The following SPHK1 variants were observed in gnomAD, a reference collection of about 807,000 sequenced individuals.
The protein encoded by SPHK1 is SK 1.
In SPHK1, 10 loss-of-function variants were observed where a neutral mutation model predicts 14.6. The ratio of observed to expected loss-of-function variants is 0.68; its 90% CI spans 0.42 to 1.16. The LOEUF is 1.16. Among genes scored for constraint, SPHK1 ranks in the 50% most tolerant of loss-of-function variants. The probability of loss-of-function intolerance (pLI) is 0.00; values close to 1 mark genes in which losing one functional copy is unlikely to be tolerated. For missense variants in SPHK1, 553 were observed against 525.4 expected, an observed-to-expected ratio of 1.05 and a Z score of -0.51; for synonymous variants, 274 against 224.0, an observed-to-expected ratio of 1.22 and a Z score of -1.99.
chr17:76,384,950 C>T (rs986344199), intron 1 of SPHK1, 144 bp downstream of exon 1: 2 of 829,426 alleles, frequency 2.4e-6, no homozygotes, highest in Non-Finnish European at 3.5e-6. Context: ...TTGGCGCGAC[C>T]CGGGAGCGGC....
At position 76,387,504 on chromosome 17, in the gene SPHK1, ACTT is replaced by A. The variant is rs1230256238; in HGVS notation, c.1076_1078del (p.Phe359del). The A allele has an allele frequency of 3.7e-6, 6 of 1,612,604 alleles. No individual in the cohort carries two copies. The highest frequency in any genetic ancestry group is 5.1e-6 in the Non-Finnish European group (6 of 1,179,850). On this transcript the variant is annotated inframe_deletion, in exon 6 of 6. Transcript: ENST00000592299. The surrounding 1 kb of genome is among the most constrained non-coding windows in gnomAD (Gnocchi z 4.1). ...GTGCAGGGCCAGGTGCACCCAAACT[ACTT>A]CTGGATGGTCAGCGGTTGCGTGGAG...
At chr17:76,383,831 G>A (rs1249570757), upstream of SPHK1, 1 of 1,286,998 alleles carries the variant, frequency 7.8e-7, no homozygotes, top group East Asian at 5.7e-5. Context: ...GCCAGAGGGG[G>A]CGGGGGGCAC....
In SPHK1 at chr17:76,385,216, C is replaced by T. The variant is rs1163654511; in HGVS notation, c.-194-235C>T. 3 of 1,555,356 alleles carry T rather than the reference C, an allele frequency of 1.9e-6. No individual in the cohort carries two copies. Among genetic ancestry groups the T allele is most frequent in the Non-Finnish European group, 2.6e-6 (3 of 1,150,626 alleles). The stretch of plus-strand genomic sequence containing the variant: ...GGGAGCCACGGGGCTCTGACTCATC[C>T]GTCGGGCCGGAACCGAACCCCAAGC... On this transcript the variant is annotated intron_variant, in intron 1 of 5. Coordinates refer to ENST00000592299, the MANE Select transcript of SPHK1 (RefSeq NM_001142601.2). This position sits in a 1 kb window ranked among gnomAD's most constrained non-coding sequence, Gnocchi z 5.3.
Position 76,386,064 on chromosome 17 carries a change from C to A in SPHK1, c.90C>A (p.Ala30=). 6.2e-7 allele frequency: 1 copy of A among 1,607,978 alleles called. No individual in the cohort carries two copies. Among genetic ancestry groups the A allele is most frequent in the Non-Finnish European group, 8.5e-7 (1 of 1,177,154 alleles). ...LLNPRGGKGK[A]LQLFRSHVQP... ...ACCCGCGCGGCGGCAAGGGCAAGGCCTTGCAGCTCTTCCGGAGTCACGTGC... is the reference window on the plus strand; with the variant it reads ...ACCCGCGCGGCGGCAAGGGCAAGGCATTGCAGCTCTTCCGGAGTCACGTGC... The change falls in exon 3 of 6, where the codon GCC becomes GCA. Residue 30 remains alanine, a synonymous_variant. Coordinates refer to ENST00000592299, the MANE Select transcript of SPHK1 (RefSeq NM_001142601.2). This position sits in a 1 kb window ranked among gnomAD's most constrained non-coding sequence, Gnocchi z 5.3.
rs1162260478 is a variant in SPHK1, at chr17:76,387,551, C to A, written c.1120C>A (p.Pro374Thr). Reference sequence around the variant, plus strand: ...CGTGGAGCCCCCGCCCAGCTGGAAGCCCCAGCAGATGCCACCGCCAGAAGA... The same window carrying A: ...CGTGGAGCCCCCGCCCAGCTGGAAGACCCAGCAGATGCCACCGCCAGAAGA... ...GCVEPPPSWK[P>T]QQMPPPEEPL Residue 374 changes from proline (P) to threonine (T), a missense_variant, in exon 6 of 6, where the codon CCC (proline) becomes ACC (threonine). By Grantham distance (38) the Pro-to-Thr change is conservative. Transcript: ENST00000592299. This position sits in a 1 kb window ranked among gnomAD's most constrained non-coding sequence, Gnocchi z 4.1. 1.2e-6 allele frequency: 2 copies of A among 1,604,346 alleles called. No homozygotes were observed. The highest frequency in any genetic ancestry group is 1.1e-5 in the South Asian group (1 of 90,516).
chr17:76,385,394 C>T lies in SPHK1; in HGVS notation c.-194-57C>T. The T allele has an allele frequency of 6.8e-7, 1 of 1,467,242 alleles. No homozygotes were observed. The highest frequency in any genetic ancestry group is 9.0e-7 in the Non-Finnish European group (1 of 1,112,500). 90.9% of individuals were successfully genotyped at this position (1,467,242 alleles called of 1,614,324 possible). A position where few individuals can be genotyped will look rare whatever the true frequency, so the allele number is the denominator to read the frequency against. ...TGGTCCCGGGATTTAGTCGGGCGCT[C>T]CCCACCTCTGGCAGCTGCGGCCCCG... On this transcript the variant is annotated intron_variant, in intron 1 of 5. Transcript: ENST00000592299. This position sits in a 1 kb window ranked among gnomAD's most constrained non-coding sequence, Gnocchi z 5.3.
chr17:76,387,771 TG>T lies in SPHK1; in HGVS notation c.*188del, dbSNP rs2072022234. On this transcript the variant is annotated 3_prime_UTR_variant, in exon 6 of 6. Coordinates refer to ENST00000592299, the MANE Select transcript of SPHK1 (RefSeq NM_001142601.2). The surrounding 1 kb of genome is among the most constrained non-coding windows in gnomAD (Gnocchi z 4.1). The stretch of plus-strand genomic sequence containing the variant: ...GTCCTGGGTCAGGAGCCCAGCTGGC[TG>T]GGCCCAGCTGCCTATGTAAGGCCTT... 1 of 669,260 alleles carries T rather than the reference TG, an allele frequency of 1.5e-6. No individual in the cohort carries two copies. The highest frequency in any genetic ancestry group is 1.8e-5 in the African/African-American group (1 of 55,394). 41.5% of individuals were successfully genotyped at this position (669,260 alleles called of 1,614,324 possible).
Position 76,386,942 on chromosome 17 carries a change from T to C in SPHK1, c.511T>C (p.Trp171Arg), listed in dbSNP as rs772174195. 3.7e-6 allele frequency: 6 copies of C among 1,613,336 alleles called. No individual in the cohort carries two copies. The South Asian group carries it at 4.4e-5, about 12-fold the overall frequency. Residue 171 changes from tryptophan (W) to arginine (R), a missense_variant, in exon 6 of 6, where the codon TGG becomes CGG. By Grantham distance (101) the Trp-to-Arg change is moderately radical. Coordinates refer to ENST00000592299, the MANE Select transcript of SPHK1 (RefSeq NM_001142601.2). This position sits in a 1 kb window ranked among gnomAD's most constrained non-coding sequence, Gnocchi z 5.3. ...CCTCTTCTCTGTGCTCAGCCTGGCCTGGGGCTTCATTGCTGATGTGGACCT... is the reference window on the plus strand; with the variant it reads ...CCTCTTCTCTGTGCTCAGCCTGGCCCGGGGCTTCATTGCTGATGTGGACCT... ...LRLFSVLSLA[W>R]GFIADVDLES...
rs1307482232 is a variant in SPHK1, at chr17:76,386,298, G to A, written c.241G>A (p.Asp81Asn). 6.2e-7 allele frequency: 1 copy of A among 1,603,476 alleles called. No individual in the cohort carries two copies. Among genetic ancestry groups the A allele is most frequent in the Non-Finnish European group, 8.5e-7 (1 of 1,179,000 alleles). Residue 81 changes from aspartate (D) to asparagine (N), a missense_variant, in exon 4 of 6, where the codon GAC becomes AAC. Asp to Asn is a conservative substitution (Grantham distance 23). Transcript: ENST00000592299. The surrounding 1 kb of genome is among the most constrained non-coding windows in gnomAD (Gnocchi z 5.3). Reference sequence around the variant, plus strand: ...GGACGCTCTGGTGGTCATGTCTGGAGACGGGCTGATGCACGAGGTGAGGAC... The same window carrying A: ...GGACGCTCTGGTGGTCATGTCTGGAAACGGGCTGATGCACGAGGTGAGGAC... Reference protein sequence around the residue: ...RWDALVVMSGDGLMHEVVNGL... With the variant: ...RWDALVVMSGNGLMHEVVNGL...
rs762257444 is a variant in SPHK1 at position 76,386,135 on chromosome 17, C to G, written c.161C>G (p.Thr54Ser). Reference protein sequence around the residue: ...EAEISFTLMLTERRNHARELV... With the variant: ...EAEISFTLMLSERRNHARELV... The stretch of plus-strand genomic sequence containing the variant: ...GAAATCTCCTTCACGCTGATGCTCA[C>G]TGGTGAGTACCTCTCGGAGGGGGTT... Residue 54 changes from threonine (T) to serine (S), a missense_variant and splice_region_variant, in exon 3 of 6, where the codon ACT becomes AGT. Coordinates refer to ENST00000592299, the MANE Select transcript of SPHK1 (RefSeq NM_001142601.2). This position sits in a 1 kb window ranked among gnomAD's most constrained non-coding sequence, Gnocchi z 5.3. 1.3e-6 allele frequency: 2 copies of G among 1,592,308 alleles called. No homozygotes were observed. Among genetic ancestry groups the G allele is most frequent in the Non-Finnish European group, 1.7e-6 (2 of 1,168,436 alleles).
At position 76,385,121 on chromosome 17, in the gene SPHK1, C is replaced by T. The variant is rs763694144; in HGVS notation, c.-195+315C>T. The T allele has an allele frequency of 6.3e-7, 1 of 1,588,750 alleles. No homozygotes were observed. The highest frequency in any genetic ancestry group is 8.6e-7 in the Non-Finnish European group (1 of 1,168,500). ...GTGCCCAGCAATGTCCGCTCAAGTTCTGGGATTTTTACGCAGCTGGACTCC... is the reference window on the plus strand; with the variant it reads ...GTGCCCAGCAATGTCCGCTCAAGTTTTGGGATTTTTACGCAGCTGGACTCC... On this transcript the variant is annotated intron_variant, in intron 1 of 5. Coordinates refer to ENST00000592299, the MANE Select transcript of SPHK1 (RefSeq NM_001142601.2). This position sits in a 1 kb window ranked among gnomAD's most constrained non-coding sequence, Gnocchi z 5.3.
In SPHK1 at chr17:76,385,877, A is replaced by G. The variant is rs1245961279; in HGVS notation, c.11-108A>G. 3 of 1,489,826 alleles carry G rather than the reference A, an allele frequency of 2.0e-6. No individual in the cohort carries two copies. Among genetic ancestry groups the G allele is most frequent in the Admixed American group, 2.3e-5 (1 of 44,124 alleles). The allele number at this position is 1,489,826 out of a possible 1,614,324, so 92.3% of individuals were successfully genotyped here. A position where few individuals can be genotyped will look rare whatever the true frequency, so the allele number is the denominator to read the frequency against. On this transcript the variant is annotated intron_variant, in intron 2 of 5. Transcript: ENST00000592299. This position sits in a 1 kb window ranked among gnomAD's most constrained non-coding sequence, Gnocchi z 5.3. ...AAGGCCGCTCCTCTGGCCAGGGTCA[A>G]TTACCGGGGTGTTTCGGGCACCAAG...
At chr17:76,383,864 A>G, upstream of SPHK1, 19 of 1,275,788 alleles carry the variant, frequency 1.5e-5, no homozygotes, top group Non-Finnish European at 1.9e-5. Context: ...TGGCTTTCCA[A>G]TCCCGACGGG....
At position 76,387,049 on chromosome 17, in the gene SPHK1, C is replaced by T. The variant is rs1322109571; in HGVS notation, c.618C>T (p.Tyr206=). The T allele has an allele frequency of 1.9e-6, 3 of 1,613,578 alleles. No homozygotes were observed. The highest frequency in any genetic ancestry group is 2.2e-5 in the South Asian group (2 of 91,092). ...TFLRLAALRT[Y]RGRLAYLPVG... is the part of the protein sequence containing the mutation. Reference sequence around the variant, plus strand: ...TGCGTCTGGCAGCCCTGCGCACCTACCGCGGCCGACTGGCCTACCTCCCTG... The same window carrying T: ...TGCGTCTGGCAGCCCTGCGCACCTATCGCGGCCGACTGGCCTACCTCCCTG... The change falls in exon 6 of 6, where the codon TAC becomes TAT. Residue 206 remains tyrosine (Y), a synonymous_variant. Transcript: ENST00000592299. This position sits in a 1 kb window ranked among gnomAD's most constrained non-coding sequence, Gnocchi z 4.1.
Position 76,387,038 on chromosome 17 carries a change from C to G in SPHK1, c.607C>G (p.Leu203Val). 1 of 1,613,648 alleles carries G rather than the reference C, an allele frequency of 6.2e-7. No individual in the cohort carries two copies. The highest frequency in any genetic ancestry group is 8.5e-7 in the Non-Finnish European group (1 of 1,180,038). Residue 203 changes from leucine (L) to valine (V), a missense_variant, in exon 6 of 6, where the codon CTG becomes GTG. Leu to Val is a conservative substitution (Grantham distance 32). Coordinates refer to ENST00000592299, the MANE Select transcript of SPHK1 (RefSeq NM_001142601.2). This position sits in a 1 kb window ranked among gnomAD's most constrained non-coding sequence, Gnocchi z 4.1. ...TLGTFLRLAA[L>V]RTYRGRLAYL... The stretch of plus-strand genomic sequence containing the variant: ...GGGCACCTTCCTGCGTCTGGCAGCC[C>G]TGCGCACCTACCGCGGCCGACTGGC...
At chr17:76,384,993 G>A (rs1349612296) in intron 1 of SPHK1, 187 bp downstream of exon 1, 3 of 1,284,634 alleles carry the variant, frequency 2.3e-6, no homozygotes, top group East Asian at 2.9e-5. Context: ...GCAACGGAGC[G>A]GGGCCCTGAG....
rs754158661 is a variant in SPHK1 at position 76,385,825 on chromosome 17, C to T, written c.11-160C>T. On this transcript the variant is annotated intron_variant, in intron 2 of 5. Coordinates refer to ENST00000592299, the MANE Select transcript of SPHK1 (RefSeq NM_001142601.2). The surrounding 1 kb of genome is among the most constrained non-coding windows in gnomAD (Gnocchi z 5.3). ...CCAAGGAAGGGGGTGGCAGGGGCGC[C>T]GCGTCCCCACCCCAGGTCTCCCAGC... is the stretch of plus-strand genomic sequence containing the variant. The T allele has an allele frequency of 2.1e-6, 3 of 1,437,012 alleles. No homozygotes were observed. The highest frequency in any genetic ancestry group is 2.0e-5 in the Admixed American group (1 of 49,322). 89.0% of individuals were successfully genotyped at this position (1,437,012 alleles called of 1,614,324 possible). A position where few individuals can be genotyped will look rare whatever the true frequency, so the allele number is the denominator to read the frequency against.
chr17:76,386,147 T>C lies in SPHK1; in HGVS notation c.163+10T>C. 6.3e-7 allele frequency: 1 copy of C among 1,591,172 alleles called. No individual in the cohort carries two copies. Among genetic ancestry groups the C allele is most frequent in the Non-Finnish European group, 8.6e-7 (1 of 1,169,164 alleles). ...ACGCTGATGCTCACTGGTGAGTACC[T>C]CTCGGAGGGGGTTTCGGGAGCATCC... is the stretch of plus-strand genomic sequence containing the variant. On this transcript the variant is annotated intron_variant, in intron 3 of 5. Coordinates refer to ENST00000592299, the MANE Select transcript of SPHK1 (RefSeq NM_001142601.2). This position sits in a 1 kb window ranked among gnomAD's most constrained non-coding sequence, Gnocchi z 5.3.
Position 76,386,702 on chromosome 17 carries a change from C to T in SPHK1, c.375-104C>T. The T allele has an allele frequency of 7.3e-7, 1 of 1,376,482 alleles. No homozygotes were observed. Among genetic ancestry groups the T allele is most frequent in the Non-Finnish European group, 9.8e-7 (1 of 1,018,026 alleles). 85.3% of individuals were successfully genotyped at this position (1,376,482 alleles called of 1,614,324 possible). On this transcript the variant is annotated intron_variant, in intron 5 of 5. Transcript: ENST00000592299. This position sits in a 1 kb window ranked among gnomAD's most constrained non-coding sequence, Gnocchi z 5.3. ...GTCACCTACCAGTCCTGCCAACTCC[C>T]CAGGGACCACATGGCGCTTTGCCAG...
Sources: allele counts gnomAD v4.1 joint callset, GRCh38; gene constraint gnomAD v4.1.1; non-coding constraint Gnocchi (gnomAD v3.1); transcripts MANE v1.5; gene names NCBI Gene and HGNC (gene_info 2026-07-23, HGNC 2026-07-21).